Variants in MYT1L observed in about 807,000 individuals in gnomAD.
MYT1L encodes myelin transcription factor 1 like, also known as myelin transcription factor 1-like protein.
Under a neutral mutation model 126.7 loss-of-function variants are expected in MYT1L, and 12 were observed. The ratio of observed to expected loss-of-function variants is 0.09; its 90% CI spans 0.06 to 0.15. MYT1L has a LOEUF of 0.15. Among genes scored for constraint, MYT1L ranks in the 10% least tolerant of loss-of-function variants. MYT1L has a pLI of 1.00. For missense variants in MYT1L, 979 were observed against 1,585.2 expected (o/e 0.62, Z 6.49); for synonymous variants, 541 against 604.2 (o/e 0.90, Z 1.53).
chr2:2,212,097 G>C (rs1020468380), intron 2 of MYT1L, among the ~76,000 whole-genome samples: 1 of 152,066 alleles, frequency 6.6e-6, no homozygotes, highest in Non-Finnish European at 1.5e-5. Flanking sequence ...GACTGATGCT[G>C]GGAAAATGGC....
At chr2:2,098,426 C>T (rs2077688211) in intron 3 of MYT1L, among the ~76,000 whole-genome samples, 1 of 152,226 alleles carries the variant, frequency 6.6e-6, no homozygotes, top group South Asian at 2.1e-4. Context: ...AACAAACTAA[C>T]TTAAGGCAGA....
intron 4 of MYT1L, among the ~76,000 whole-genome samples, chr2:2,021,694 G>C (rs2065042870): frequency 6.6e-6 from 1 of 152,172 alleles, no homozygotes; most frequent in South Asian, 2.1e-4. Flanking sequence ...TCAGGAGATT[G>C]AGACCATCCT....
intron 5 of MYT1L, among the ~76,000 whole-genome samples, chr2:1,994,795 T>C (rs550720700): frequency 8.5e-5 from 13 of 152,360 alleles, no homozygotes; most frequent in African/African-American, 2.9e-4. Flanking sequence ...TGTTTTGCCA[T>C]AGAAAAATAT....
At chr2:2,262,396 A>T (rs2094992072) in intron 2 of MYT1L, among the ~76,000 whole-genome samples, 1 of 151,786 alleles carries the variant, frequency 6.6e-6, no homozygotes. Context: ...ACAACAAAAA[A>T]AAACCAAATA....
chr2:1,933,705 G>C (rs2055334855), intron 9 of MYT1L, among the ~76,000 whole-genome samples: 1 of 152,164 alleles, frequency 6.6e-6, no homozygotes, highest in Non-Finnish European at 1.5e-5. Context: ...AGTGGCAACA[G>C]GCCCAGGACA....
chr2:1,805,711 C>G (rs745940420), intron 22 of MYT1L, among the ~76,000 whole-genome samples: 2 of 152,142 alleles, frequency 1.3e-5, no homozygotes, highest in Non-Finnish European at 2.9e-5. Context: ...CATGGCGAAG[C>G]CCCATCTCTA....
intron 2 of MYT1L, among the ~76,000 whole-genome samples, chr2:2,213,118 T>C (rs1269582787): frequency 6.6e-6 from 1 of 152,216 alleles, no homozygotes; most frequent in Non-Finnish European, 1.5e-5. Context: ...ACTTAGCTTC[T>C]CACCAGAACA....
intron 2 of MYT1L, among the ~76,000 whole-genome samples, chr2:2,178,949 T>C (rs2091119578): frequency 6.6e-6 from 1 of 152,194 alleles, no homozygotes; most frequent in African/African-American, 2.4e-5. Flanking sequence ...CAAGCTTTAG[T>C]CTTCAGGGCA....
chr2:1,862,578 G>A (rs1164160795), intron 18 of MYT1L, among the ~76,000 whole-genome samples: 1 of 152,190 alleles, frequency 6.6e-6, no homozygotes, highest in African/African-American at 2.4e-5. Flanking sequence ...ATATAAAATT[G>A]AGAAGATTGA....
At position 2,224,420 on chromosome 2, in the gene MYT1L, A is replaced by C. The variant is rs1418786825; in HGVS notation, c.-420-51432T>G. Among the ~76,000 whole-genome samples, 2 of 152,176 alleles carry C rather than the reference A, an allele frequency of 1.3e-5. No homozygotes were observed. Among genetic ancestry groups the C allele is most frequent in the African/African-American group, 4.8e-5 (2 of 41,454 alleles). On this transcript the variant is annotated intron_variant, in intron 2 of 24. Transcript: ENST00000647738. This position sits in a 1 kb window ranked among gnomAD's most constrained non-coding sequence, Gnocchi z 4.0. The stretch of plus-strand genomic sequence containing the variant: ...CCGGAGAGCTGGCGAGGTGACAGCC[A>C]TGCTGCTCTTTCTAATTGCAAACGT...
chr2:1,908,213 C>G (rs775744802), intron 13 of MYT1L, among the ~76,000 whole-genome samples: 1 of 152,236 alleles, frequency 6.6e-6, no homozygotes, highest in African/African-American at 2.4e-5. Flanking sequence ...AGGAGCAGCA[C>G]AGAAGGCTTC....
At chr2:2,039,474 T>TA (rs1296003937) in intron 4 of MYT1L, among the ~76,000 whole-genome samples, 20 of 152,144 alleles carry the variant, frequency 1.3e-4, no homozygotes, top group African/African-American at 4.6e-4. Context: ...AATAAATTAG[T>TA]AAATTAGTCA....
At chr2:2,190,403 C>G (rs930319596) in intron 2 of MYT1L, among the ~76,000 whole-genome samples, 7 of 151,174 alleles carry the variant, frequency 4.6e-5, no homozygotes, top group Admixed American at 4.0e-4. Flanking sequence ...TGCAGGGAGC[C>G]GAGATCACAC....
chr2:1,858,515 T>A (rs1421361911), intron 18 of MYT1L, among the ~76,000 whole-genome samples: 1 of 152,234 alleles, frequency 6.6e-6, no homozygotes, highest in Non-Finnish European at 1.5e-5. Flanking sequence ...GAATTGTATG[T>A]AATCCAGAGA....
At chr2:2,079,255 TA>T (rs1201743750) in intron 3 of MYT1L, among the ~76,000 whole-genome samples, 1 of 152,120 alleles carries the variant, frequency 6.6e-6, no homozygotes, top group African/African-American at 2.4e-5. Flanking sequence ...AAAATTGACA[TA>T]ATGAATAAAA....
intron 21 of MYT1L, among the ~76,000 whole-genome samples, chr2:1,826,455 G>A (rs532593294): frequency 6.6e-6 from 1 of 152,262 alleles, no homozygotes; most frequent in South Asian, 2.1e-4. Flanking sequence ...GTCAGCGCTG[G>A]GCCAGAACAC....
intron 20 of MYT1L, among the ~76,000 whole-genome samples, chr2:1,839,834 G>C (rs538385395): frequency 6.6e-6 from 1 of 152,236 alleles, no homozygotes. Flanking sequence ...TTGTCTGGCC[G>C]TATCTTCTGG....
chr2:2,158,081 T>C (rs1046576000), intron 3 of MYT1L, among the ~76,000 whole-genome samples: 2 of 152,064 alleles, frequency 1.3e-5, no homozygotes, highest in Non-Finnish European at 2.9e-5. Flanking sequence ...TTACCTTCCA[T>C]ATGGGTTGAA....
chr2:2,229,548 C>T (rs892384867), intron 2 of MYT1L, among the ~76,000 whole-genome samples: 14 of 151,854 alleles, frequency 9.2e-5, no homozygotes, highest in Non-Finnish European at 1.6e-4. Flanking sequence ...TTCAAGTGAT[C>T]CTCCCACCTC....
Sources: allele counts gnomAD v4.1 joint callset (sites outside exome capture counted in the v4.1 genomes callset), GRCh38; gene constraint gnomAD v4.1.1; non-coding constraint Gnocchi (gnomAD v3.1); transcripts MANE v1.5; gene names NCBI Gene and HGNC (gene_info 2026-07-23, HGNC 2026-07-21).